The following CCDC125 variants were observed in gnomAD, a reference collection of about 807,000 sequenced individuals.
CCDC125 encodes coiled-coil domain-containing protein 125.
A neutral mutation model predicts 57.4 loss-of-function variants in CCDC125; 43 were observed. That is an observed-to-expected ratio of 0.75 (90% CI 0.59 to 0.97). The LOEUF is 0.97. Ranked by LOEUF, CCDC125 falls within the 50% of genes least tolerant of loss-of-function variation. CCDC125 has a pLI of 0.00. For missense variants in CCDC125, 563 were observed against 595.7 expected, an observed-to-expected ratio of 0.95 and a Z score of 0.57; for synonymous variants, 187 against 195.2, an observed-to-expected ratio of 0.96 and a Z score of 0.35.
At chr5:69,320,806 T>C (rs1439596973) in intron 1 of CCDC125, among the ~76,000 whole-genome samples, 1 of 151,966 alleles carries the variant, frequency 6.6e-6, no homozygotes, top group African/African-American at 2.4e-5. Flanking sequence ...TGTGTGTGTG[T>C]GTGCGTGTGC....
chr5:69,278,190 C>A (rs1293219946), downstream of CCDC125, among the ~76,000 whole-genome samples: 1 of 147,364 alleles, frequency 6.8e-6, no homozygotes, highest in Middle Eastern at 3.5e-3. Flanking sequence ...CCAGAGGTTC[C>A]CTCTTAAAAA....
At chr5:69,306,939 T>C in intron 5 of CCDC125, 37 bp from the exon 6 acceptor site, 1 of 1,458,972 alleles carries the variant, frequency 6.9e-7, no homozygotes, top group Non-Finnish European at 9.1e-7. Context: ...GGCAAATTAC[T>C]ACAAATAAAT....
At chr5:69,275,745 G>A (rs902317599), downstream of CCDC125, among the ~76,000 whole-genome samples, 13 of 152,158 alleles carry the variant, frequency 8.5e-5, no homozygotes, top group Non-Finnish European at 1.2e-4. Context: ...AGGCGGAGGC[G>A]GGAGGATAGC....
At chr5:69,328,795 G>A (rs1307969008) in intron 1 of CCDC125, among the ~76,000 whole-genome samples, 1 of 150,044 alleles carries the variant, frequency 6.7e-6, no homozygotes, top group African/African-American at 2.5e-5. Flanking sequence ...TTATACGTTT[G>A]ACTTTTTTTT....
At chr5:69,274,444 G>A in the CCDC125 span, among the ~76,000 whole-genome samples, 1 of 152,104 alleles carries the variant, frequency 6.6e-6, no homozygotes, top group Admixed American at 6.5e-5. Flanking sequence ...AGCCCAGCCT[G>A]GGCAACATGA....
chr5:69,284,112 A>AT lies in CCDC125; in HGVS notation c.1231-1079dup, dbSNP rs140637958. 1.7e-4 allele frequency among the ~76,000 whole-genome samples: 26 copies of AT among 150,872 alleles called. No individual in the cohort carries two copies. The East Asian group carries it at 1.7e-3, about 10-fold the overall frequency. ...CCCCGACGATTATTTTTTAAAAATA[A>AT]TTTTTTAAAAAAAAAAACAGAAGAC... On this transcript the variant is annotated intron_variant, in intron 11 of 11. Transcript: ENST00000396496.
chr5:69,292,631 G>A (rs1329894389), intron 9 of CCDC125, among the ~76,000 whole-genome samples: 1 of 152,126 alleles, frequency 6.6e-6, no homozygotes, highest in Non-Finnish European at 1.5e-5. Context: ...CAGGCCCTGT[G>A]TGTGTGTCCT....
chr5:69,324,917 G>A (rs140619301), intron 1 of CCDC125, among the ~76,000 whole-genome samples: 1 of 152,296 alleles, frequency 6.6e-6, no homozygotes, highest in African/African-American at 2.4e-5. Flanking sequence ...AACACACAAT[G>A]ATGGTAAACA....
downstream of CCDC125, among the ~76,000 whole-genome samples, chr5:69,275,671 A>C (rs1165276234): frequency 6.6e-6 from 1 of 152,200 alleles, no homozygotes; most frequent in Non-Finnish European, 1.5e-5. Context: ...CAAATTAAAA[A>C]TATTTTATAA....
downstream of CCDC125, chr5:69,276,429 A>G: frequency 5.9e-6 from 5 of 845,112 alleles, no homozygotes; most frequent in Non-Finnish European, 5.8e-6. Flanking sequence ...TTTGTTGGGA[A>G]TGAGGGCATT....
At position 69,320,273 on chromosome 5, in the gene CCDC125, A is replaced by T; in HGVS notation, c.268T>A (p.Ser90Thr). ...KSQQDTFPQV[S>T]RISNYRRQSS... ...TGTCGTCTGTAATTGGAAATTCTGG[A>T]CACTTGAGGGAATGTATCTTGCTGG... Residue 90 changes from serine (S) to threonine (T), a missense_variant, in exon 2 of 12, where the codon TCC becomes ACC. Physicochemically the swap from Ser to Thr is moderately conservative, Grantham distance 58. Coordinates refer to ENST00000396496, the MANE Select transcript of CCDC125 (RefSeq NM_176816.5). 1 of 1,613,750 alleles carries T rather than the reference A, an allele frequency of 6.2e-7. No homozygotes were observed. Among genetic ancestry groups the T allele is most frequent in the South Asian group, 1.1e-5 (1 of 91,000 alleles).
At chr5:69,276,541 A>C, downstream of CCDC125, 1 of 1,612,008 alleles carries the variant, frequency 6.2e-7, no homozygotes, top group South Asian at 1.1e-5. Flanking sequence ...TTCTTTTAAA[A>C]GGCACTGAAA....
Position 69,282,874 on chromosome 5 carries a change from A to C in CCDC125, c.1391T>G (p.Phe464Cys). The change falls in exon 12 of 12, where the codon TTC (phenylalanine) becomes TGC (cysteine). Residue 464 changes from phenylalanine (F) to cysteine (C), a missense_variant. Physicochemically the swap from Phe to Cys is radical, Grantham distance 205 (BLOSUM62 -2). Coordinates refer to ENST00000396496, the MANE Select transcript of CCDC125 (RefSeq NM_176816.5). Reference sequence around the variant, plus strand: ...ATGTATAGGATCACCCAAAACAGAGAATTCTGAAGTCTTACGCCAGGGGTT... The same window carrying C: ...ATGTATAGGATCACCCAAAACAGAGCATTCTGAAGTCTTACGCCAGGGGTT... ...FNNPWRKTSE[F>C]SVLGDPIHSS... 6.2e-7 allele frequency: 1 copy of C among 1,614,112 alleles called. No homozygotes were observed. The highest frequency in any genetic ancestry group is 1.1e-5 in the South Asian group (1 of 91,074).
chr5:69,327,625 C>A (rs537408601), intron 1 of CCDC125, among the ~76,000 whole-genome samples: 6 of 152,140 alleles, frequency 3.9e-5, no homozygotes, highest in Non-Finnish European at 7.4e-5. Flanking sequence ...CCACTTGCCA[C>A]TTTTTGATCT....
intron 4 of CCDC125, chr5:69,308,256 G>C (rs1470732166): frequency 3.5e-6 from 2 of 567,164 alleles, no homozygotes; most frequent in East Asian, 3.0e-5. Flanking sequence ...TCCACACAAA[G>C]AAAGTGTTCA....
At position 69,288,647 on chromosome 5, in the gene CCDC125, C is replaced by G. The variant is rs560811113; in HGVS notation, c.1100-3180G>C. ...CCCGGAGTTCTGTGAGGCATCCTAG[C>G]AAATCAATGGAGCCTGAGGAGGGCG... On this transcript the variant is annotated intron_variant, in intron 10 of 11. Transcript: ENST00000396496. Among the ~76,000 whole-genome samples the G allele has an allele frequency of 1.2e-4, 19 of 152,270 alleles. No homozygotes were observed. The South Asian group carries it at 3.5e-3, about 28-fold the overall frequency.
rs1561451056 is a variant in CCDC125 at position 69,306,847 on chromosome 5, A to C, written c.587T>G (p.Ile196Arg). The change falls in exon 6 of 12, where the codon ATA becomes AGA. Residue 196 changes from isoleucine (I) to arginine (R), a missense_variant. Ile to Arg is a moderately conservative substitution (Grantham distance 97). Transcript: ENST00000396496. ...IEFDHNRFKN[I>R]EESWIQKYDR... ...ATATTTTTGGATCCAAGATTCCTCT[A>C]TATTTTTAAATCTATTATGATCAAA... 3 of 1,515,674 alleles carry C rather than the reference A, an allele frequency of 2.0e-6. No individual in the cohort carries two copies. The highest frequency in any genetic ancestry group is 4.9e-5 in the East Asian group (2 of 40,700). The allele number at this position is 1,515,674 out of a possible 1,614,324, so 93.9% of individuals were successfully genotyped here.
At chr5:69,329,754 C>T (rs1365211474) in intron 1 of CCDC125, among the ~76,000 whole-genome samples, 1 of 152,104 alleles carries the variant, frequency 6.6e-6, no homozygotes, top group African/African-American at 2.4e-5. Context: ...CCACCTGTCT[C>T]GGCCTCCCAA....
At chr5:69,295,789 T>C (rs972388005) in intron 8 of CCDC125, among the ~76,000 whole-genome samples, 9 of 152,206 alleles carry the variant, frequency 5.9e-5, no homozygotes, top group Admixed American at 2.0e-4. Context: ...TCAAAAGATG[T>C]TGAAATTCTG....
Sources: gnomAD v4.1 joint callset for allele counts (sites outside exome capture counted in the v4.1 genomes callset) on GRCh38, gnomAD v4.1.1 for gene constraint, MANE v1.5 for transcripts, NCBI Gene and HGNC (gene_info 2026-07-23, HGNC 2026-07-21) for gene names.